ASTN2: variants seen among roughly 807,000 people sequenced by gnomAD.
ASTN2 encodes the protein astrotactin-2.
ASTN2 carries 54 observed loss-of-function variants against 139.8 expected under a neutral mutation model. The observed-to-expected ratio is 0.39, with a 90% confidence interval of 0.31 to 0.48. The LOEUF is 0.48. Among genes scored for constraint, ASTN2 ranks in the 20% least tolerant of loss-of-function variants. The pLI is 0.95. For missense variants in ASTN2, 1,565 were observed against 1,725.1 expected (o/e 0.91, Z 1.64); for synonymous variants, 756 against 719.5 (o/e 1.05, Z -0.81).
intron 16 of ASTN2, among the ~76,000 whole-genome samples, chr9:116,706,000 G>T (rs1021284355): frequency 6.6e-6 from 1 of 151,938 alleles, no homozygotes; most frequent in Non-Finnish European, 1.5e-5. Flanking sequence ...TTCTGCCCTA[G>T]TTTATATGAC....
At chr9:116,537,337 C>T (rs1204647881) in intron 19 of ASTN2, among the ~76,000 whole-genome samples, 1 of 152,142 alleles carries the variant, frequency 6.6e-6, no homozygotes, top group African/African-American at 2.4e-5. Flanking sequence ...AAAATTTATT[C>T]ATGTTTACAT....
intron 1 of ASTN2, among the ~76,000 whole-genome samples, chr9:117,318,737 C>T (rs1281058753): frequency 1.3e-5 from 2 of 152,110 alleles, no homozygotes; most frequent in African/African-American, 4.8e-5. Flanking sequence ...GAAGGAAAAT[C>T]GAGGGCTCAA....
At chr9:116,594,609 A>T (rs143823587) in intron 19 of ASTN2, among the ~76,000 whole-genome samples, 1 of 152,266 alleles carries the variant, frequency 6.6e-6, no homozygotes, top group East Asian at 1.9e-4. Context: ...AGTTAACAGT[A>T]CTCATTGGAT....
intron 10 of ASTN2, among the ~76,000 whole-genome samples, chr9:116,875,964 C>A (rs1049416241): frequency 6.6e-6 from 1 of 152,014 alleles, no homozygotes; most frequent in African/African-American, 2.4e-5. Flanking sequence ...TTTTTTGCAG[C>A]CCATGCATGA....
intron 10 of ASTN2, among the ~76,000 whole-genome samples, chr9:116,951,462 G>C (rs1412915622): frequency 6.7e-6 from 1 of 149,088 alleles, no homozygotes; most frequent in African/African-American, 2.5e-5. Flanking sequence ...TTATAGTTAA[G>C]TCAGTTAGGT....
intron 2 of ASTN2, among the ~76,000 whole-genome samples, chr9:117,218,401 A>G (rs1409005288): frequency 6.6e-6 from 1 of 152,234 alleles, no homozygotes; most frequent in African/African-American, 2.4e-5. Flanking sequence ...TTTCCGTTAC[A>G]GATTCAAGTT....
intron 4 of ASTN2, among the ~76,000 whole-genome samples, chr9:117,108,873 T>C (rs1187509788): frequency 1.3e-5 from 2 of 152,198 alleles, no homozygotes; most frequent in East Asian, 1.9e-4. Flanking sequence ...TGGCTTCTGG[T>C]GCTCCCAACT....
Position 116,425,502 on chromosome 9 carries a change from G to C in ASTN2, c.*349C>G. The C allele has an allele frequency of 6.7e-7, 1 of 1,484,822 alleles. No individual in the cohort carries two copies. Among genetic ancestry groups the C allele is most frequent in the Non-Finnish European group, 9.3e-7 (1 of 1,069,738 alleles). 92.0% of individuals were successfully genotyped at this position (1,484,822 alleles called of 1,614,324 possible). ...CCATGGCAGGAAGAAAGCAGAGTGT[G>C]GCAGGAAGAAGGAAGAAGAGCAAAG... On this transcript the variant is annotated 3_prime_UTR_variant, in exon 23 of 23. Transcript: ENST00000313400.
intron 13 of ASTN2, among the ~76,000 whole-genome samples, chr9:116,759,206 A>T (rs1298949027): frequency 6.6e-6 from 1 of 151,948 alleles, no homozygotes; most frequent in Non-Finnish European, 1.5e-5. Flanking sequence ...TCTATCATAG[A>T]CTCTACCACT....
In ASTN2 at chr9:116,729,114, A is replaced by T; in HGVS notation, c.2522-18T>A. The T allele has an allele frequency of 1.9e-6, 3 of 1,550,876 alleles. No individual in the cohort carries two copies. The highest frequency in any genetic ancestry group is 1.8e-6 in the Non-Finnish European group (2 of 1,142,002). On this transcript the variant is annotated intron_variant, in intron 14 of 22. Coordinates refer to ENST00000313400, the MANE Select transcript of ASTN2 (RefSeq NM_001365068.1). ...GATATCTCCTGGGAGAGAAAATAAG[A>T]TGGTCACGTGAGCCCAGAATTAAGA...
At chr9:116,655,336 C>A (rs999141038) in intron 16 of ASTN2, among the ~76,000 whole-genome samples, 1 of 152,164 alleles carries the variant, frequency 6.6e-6, no homozygotes, top group African/African-American at 2.4e-5. Flanking sequence ...AAAGGCAAAC[C>A]TTTTATTCTT....
intron 3 of ASTN2, among the ~76,000 whole-genome samples, chr9:117,173,167 C>T (rs1289866690): frequency 3.3e-5 from 5 of 152,064 alleles, no homozygotes; most frequent in African/African-American, 1.2e-4. Flanking sequence ...ACACCAATTA[C>T]TTACAAAAAA....
At chr9:117,049,079 T>C (rs1375231397) in intron 5 of ASTN2, among the ~76,000 whole-genome samples, 4 of 149,780 alleles carry the variant, frequency 2.7e-5, no homozygotes, top group African/African-American at 9.8e-5. Flanking sequence ...GTGATTCTCC[T>C]CCCTCAGCCT....
intron 7 of ASTN2, among the ~76,000 whole-genome samples, chr9:116,992,803 G>A (rs1836896145): frequency 6.6e-6 from 1 of 152,310 alleles, no homozygotes; most frequent in South Asian, 2.1e-4. Flanking sequence ...GGCATAGACA[G>A]CAGCTTCTTT....
At chr9:116,790,677 AT>A (rs372460577) in intron 13 of ASTN2, among the ~76,000 whole-genome samples, 346 of 138,120 alleles carry the variant, frequency 2.5e-3, no homozygotes, top group East Asian at 2.7e-3. Context: ...ATCTCCAGAG[AT>A]TTTTTTTTTT....
intron 1 of ASTN2, among the ~76,000 whole-genome samples, chr9:117,313,012 C>A (rs2130818339): frequency 6.6e-6 from 1 of 152,338 alleles, no homozygotes; most frequent in African/African-American, 2.4e-5. Flanking sequence ...TACACGGCTT[C>A]ACTTTTTATG....
chr9:116,465,401 T>A (rs749735368), intron 20 of ASTN2, among the ~76,000 whole-genome samples: 4 of 152,150 alleles, frequency 2.6e-5, no homozygotes, highest in Non-Finnish European at 5.9e-5. Context: ...CCGGCCCTGA[T>A]AAGACCTCGC....
rs548867006 is a variant in ASTN2, at chr9:117,402,086, A to G, written c.442+12411T>C. On this transcript the variant is annotated intron_variant, in intron 1 of 22. Coordinates refer to ENST00000313400, the MANE Select transcript of ASTN2 (RefSeq NM_001365068.1). Reference sequence around the variant, plus strand: ...ATCTTTTCCTGTTGTTGTTTTTTTGAGACAGAGTCTTGTTCTGTCACCCAG... The same window carrying G: ...ATCTTTTCCTGTTGTTGTTTTTTTGGGACAGAGTCTTGTTCTGTCACCCAG... Among the ~76,000 whole-genome samples, 1,298 of 152,294 alleles carry G rather than the reference A, an allele frequency of 8.5e-3. 87 individuals carry two copies. Among genetic ancestry groups the G allele is most frequent in the Admixed American group, 0.077 (1,173 of 15,298 alleles).
At chr9:116,498,211 C>G (rs934324808) in intron 19 of ASTN2, among the ~76,000 whole-genome samples, 5 of 152,186 alleles carry the variant, frequency 3.3e-5, no homozygotes, top group African/African-American at 1.2e-4. Context: ...AATTCCAAAG[C>G]CTGTTGTTTT....
Sources: allele counts gnomAD v4.1 joint callset (sites outside exome capture counted in the v4.1 genomes callset), GRCh38; gene constraint gnomAD v4.1.1; transcripts MANE v1.5; gene names NCBI Gene and HGNC (gene_info 2026-07-23, HGNC 2026-07-21).